The following NR2E1 variants were observed in gnomAD, a reference collection of about 807,000 sequenced individuals.
NR2E1 encodes nuclear receptor TLX.
A neutral mutation model predicts 43.6 loss-of-function variants in NR2E1; 5 were observed. The observed-to-expected ratio is 0.11, with a 90% CI of 0.06 to 0.24. The LOEUF is 0.24. Among genes scored for constraint, NR2E1 ranks in the 10% least tolerant of loss-of-function variants. The pLI is 1.00. For synonymous variants in NR2E1, 191 were observed against 195.5 expected (o/e 0.98, Z 0.19); for missense variants, 287 against 496.7 (o/e 0.58, Z 4.01).
At chr6:108,176,763 G>A in intron 4 of NR2E1, 25 bp downstream of exon 4, 1 of 1,537,736 alleles carries the variant, frequency 6.5e-7, no homozygotes, top group South Asian at 1.2e-5. Context: ...TGGGCCCAAA[G>A]AGACTCGTGC....
At chr6:108,182,180 T>C (rs1395372254) in intron 8 of NR2E1, among the ~76,000 whole-genome samples, 2 of 148,536 alleles carry the variant, frequency 1.3e-5, no homozygotes, top group African/African-American at 5.0e-5. Flanking sequence ...AGGTGGAACT[T>C]GCAGTGAGCC....
Position 108,166,588 on chromosome 6 carries a change from G to T in NR2E1, c.-178G>T. On this transcript the variant is annotated 5_prime_UTR_variant, in exon 1 of 9. Coordinates refer to ENST00000368986, the MANE Select transcript of NR2E1 (RefSeq NM_003269.5). This position sits in a 1 kb window ranked among gnomAD's most constrained non-coding sequence, Gnocchi z 7.2. ...TAAGGATGCTTAAATTTCCACTGTT[G>T]GACGAATTCTGAGCGCCCAGGGAGC... 2 of 534,966 alleles carry T rather than the reference G, an allele frequency of 3.7e-6. No individual in the cohort carries two copies. The highest frequency in any genetic ancestry group is 6.4e-6 in the Non-Finnish European group (2 of 312,086). The allele number at this position is 534,966 out of a possible 1,614,324, so 33.1% of individuals were successfully genotyped here. A position where few individuals can be genotyped will look rare whatever the true frequency, so the allele number is the denominator to read the frequency against.
chr6:108,188,104 C>T lies in NR2E1; in HGVS notation c.*641C>T, dbSNP rs1028064196. On this transcript the variant is annotated 3_prime_UTR_variant, in exon 9 of 9. Transcript: ENST00000368986. The stretch of plus-strand genomic sequence containing the variant: ...TGTTCTTTCTTCTTCTTTTTTAATA[C>T]CATAGGCCAGGCAACCTTGTCAAAG... The T allele has an allele frequency of 6.6e-6, 1 of 152,638 alleles. No homozygotes were observed. The highest frequency in any genetic ancestry group is 1.9e-4 in the East Asian group (1 of 5,194). 9.5% of individuals were successfully genotyped at this position (152,638 alleles called of 1,614,324 possible).
chr6:108,166,682 G>C lies in NR2E1; in HGVS notation c.-84G>C. The C allele has an allele frequency of 8.3e-7, 1 of 1,211,556 alleles. No homozygotes were observed. The allele number at this position is 1,211,556 out of a possible 1,614,324, so 75.1% of individuals were successfully genotyped here. ...TTGCAGGCTGGAGGGCAGCTGGAGAGCGGCGGCGCCCGGCGGCGAGGCGGG... is the reference window on the plus strand; with the variant it reads ...TTGCAGGCTGGAGGGCAGCTGGAGACCGGCGGCGCCCGGCGGCGAGGCGGG... On this transcript the variant is annotated 5_prime_UTR_variant, in exon 1 of 9. Transcript: ENST00000368986. This position sits in a 1 kb window ranked among gnomAD's most constrained non-coding sequence, Gnocchi z 7.2.
rs1240401253 is a variant in NR2E1 at position 108,182,555 on chromosome 6, ATTT to A, written c.995+923_995+925del. ...AGGTGCATGCCACCACACCCAGCTA[ATTT>A]TTTTTTTTTTTTTTTTTTGAGACAG... On this transcript the variant is annotated intron_variant, in intron 8 of 8. Transcript: ENST00000368986. Among the ~76,000 whole-genome samples the A allele has an allele frequency of 7.3e-5, 9 of 122,888 alleles. No individual in the cohort carries two copies. The South Asian group carries it at 7.9e-4, about 11-fold the overall frequency. 80.6% of individuals were successfully genotyped at this position (122,888 alleles called of 152,430 possible).
intron 7 of NR2E1, among the ~76,000 whole-genome samples, 166 bp from the exon 8 acceptor site, chr6:108,181,380 A>C (rs149338037): frequency 2.2e-3 from 334 of 151,990 alleles, no homozygotes; most frequent in African/African-American, 7.5e-3. Context: ...TTTTAGTAGA[A>C]ACAGGGTTTC....
intron 8 of NR2E1, among the ~76,000 whole-genome samples, chr6:108,184,668 G>A (rs1472310147): frequency 6.6e-6 from 1 of 152,186 alleles, no homozygotes; most frequent in Non-Finnish European, 1.5e-5. Flanking sequence ...GGAAGTGCCA[G>A]AGAGGTGAGT....
intron 8 of NR2E1, 23 bp downstream of exon 8, chr6:108,181,674 A>G: frequency 1.3e-6 from 2 of 1,590,678 alleles, no homozygotes; most frequent in Non-Finnish European, 1.7e-6. Context: ...TGCCTTGAAC[A>G]TGTACTTAAG....
At chr6:108,175,060 T>C in intron 3 of NR2E1, 137 bp downstream of exon 3, 2 of 802,550 alleles carry the variant, frequency 2.5e-6, no homozygotes, top group South Asian at 2.9e-5. Context: ...GGCCTCGGGC[T>C]TTCAGTCGTA....
chr6:108,181,987 C>CA (rs1258507846), intron 8 of NR2E1, among the ~76,000 whole-genome samples: 1 of 152,122 alleles, frequency 6.6e-6, no homozygotes, highest in Non-Finnish European at 1.5e-5. Context: ...CCTGTAATCC[C>CA]AGCACTTTGG....
rs766047457 is a variant in NR2E1 at position 108,180,969 on chromosome 6, A to G, written c.889+13A>G. On this transcript the variant is annotated intron_variant, in intron 7 of 8. Transcript: ENST00000368986. The surrounding 1 kb of genome is among the most constrained non-coding windows in gnomAD (Gnocchi z 5.4). ...ACTTTCAAAGCCGGTAAGCAGACAC[A>G]GACCCCTGTTTCTTCTCCTTCCCCA... The G allele has an allele frequency of 3.1e-6, 5 of 1,614,084 alleles. No individual in the cohort carries two copies. In the South Asian group the frequency reaches 4.4e-5, roughly 14 times the overall value.
In NR2E1 at chr6:108,166,771, C is replaced by T. The variant is rs1773715442; in HGVS notation, c.6C>T (p.Ser2=). M[S]KPAGSTSRIL... Reference sequence around the variant, plus strand: ...TCCGCCCCGGGACAGCCAGCATGAGCAAGCCAGCCGGATCAACAAGTGGGT... The same window carrying T: ...TCCGCCCCGGGACAGCCAGCATGAGTAAGCCAGCCGGATCAACAAGTGGGT... The change falls in exon 1 of 9, where the codon AGC becomes AGT. Residue 2 remains serine (S), a synonymous_variant. Transcript: ENST00000368986. The surrounding 1 kb of genome is among the most constrained non-coding windows in gnomAD (Gnocchi z 7.2). 3 of 1,588,326 alleles carry T rather than the reference C, an allele frequency of 1.9e-6. No individual in the cohort carries two copies. The highest frequency in any genetic ancestry group is 1.3e-5 in the African/African-American group (1 of 74,818).
chr6:108,177,278 TGAG>T lies in NR2E1; in HGVS notation c.495+541_495+543del, dbSNP rs548798673. 3.9e-5 allele frequency among the ~76,000 whole-genome samples: 6 copies of T among 152,376 alleles called. No homozygotes were observed. In the East Asian group the frequency reaches 1.2e-3, roughly 29 times the overall value. On this transcript the variant is annotated intron_variant, in intron 4 of 8. Transcript: ENST00000368986. ...CACTGTTAGAACAGTTTGAGGAATC[TGAG>T]TTCATTTCCCATGCTCCCCTCACCT...
Position 108,166,546 on chromosome 6 carries a change from A to G in NR2E1, c.-220A>G, listed in dbSNP as rs1262932106. On this transcript the variant is annotated 5_prime_UTR_variant, in exon 1 of 9. Transcript: ENST00000368986. The surrounding 1 kb of genome is among the most constrained non-coding windows in gnomAD (Gnocchi z 7.2). ...CATTCCCAGCAGCTGCGGTTTTGCA[A>G]GAGCCGGGAAGAAACTTAAGGATGC... 2.0e-6 allele frequency: 1 copy of G among 502,496 alleles called. No individual in the cohort carries two copies. Among genetic ancestry groups the G allele is most frequent in the African/African-American group, 2.1e-5 (1 of 48,210 alleles). The allele number at this position is 502,496 out of a possible 1,614,324, so 31.1% of individuals were successfully genotyped here.
At chr6:108,184,357 T>C (rs1017595538) in intron 8 of NR2E1, among the ~76,000 whole-genome samples, 2 of 152,206 alleles carry the variant, frequency 1.3e-5, no homozygotes, top group Admixed American at 1.3e-4. Flanking sequence ...TGCCGAGTAC[T>C]GGCCACATGC....
At chr6:108,168,993 C>T (rs966364771) in intron 1 of NR2E1, 6 of 152,292 alleles carry the variant, frequency 3.9e-5, no homozygotes, top group Non-Finnish European at 8.8e-5. Flanking sequence ...GAGGGGACCC[C>T]CTGGCGAGGG....
intron 8 of NR2E1, among the ~76,000 whole-genome samples, chr6:108,182,102 G>T (rs1773999755): frequency 6.6e-6 from 1 of 152,030 alleles, no homozygotes. Context: ...AGCTGGGTGT[G>T]GTGGTGGGCA....
Position 108,180,108 on chromosome 6 carries a change from A to G in NR2E1, c.643-215A>G, listed in dbSNP as rs968538400. Among the ~76,000 whole-genome samples, 2 of 152,184 alleles carry G rather than the reference A, an allele frequency of 1.3e-5. No homozygotes were observed. Among genetic ancestry groups the G allele is most frequent in the Non-Finnish European group, 2.9e-5 (2 of 68,030 alleles). On this transcript the variant is annotated intron_variant, in intron 5 of 8. Transcript: ENST00000368986. This position sits in a 1 kb window ranked among gnomAD's most constrained non-coding sequence, Gnocchi z 5.4. ...TTCTGAGAGAAGGAAACTTTGGAGA[A>G]TTGGAATGGCTGACTCTCAAATCCA...
At chr6:108,177,845 AG>A (rs1182304914) in intron 4 of NR2E1, among the ~76,000 whole-genome samples, 3 of 152,204 alleles carry the variant, frequency 2.0e-5, no homozygotes, top group African/African-American at 7.2e-5. Context: ...TAGAAAAGCC[AG>A]AGGGCCTTCT....
Sources: gnomAD v4.1 joint callset for allele counts (sites outside exome capture counted in the v4.1 genomes callset) on GRCh38, gnomAD v4.1.1 for gene constraint, Gnocchi (gnomAD v3.1) non-coding constraint, MANE v1.5 for transcripts, NCBI Gene and HGNC (gene_info 2026-07-23, HGNC 2026-07-21) for gene names.